Variants in CTNNB1 observed in about 807,000 individuals in gnomAD.
The protein encoded by CTNNB1 is catenin beta 1, also known as catenin beta-1.
Under a neutral mutation model 82.5 loss-of-function variants are expected in CTNNB1, and 6 were observed. That is an observed-to-expected ratio of 0.07 (90% CI 0.04 to 0.14). CTNNB1 has a LOEUF of 0.14. Among genes scored for constraint, CTNNB1 ranks in the 10% least tolerant of loss-of-function variants. The pLI is 1.00. For synonymous variants in CTNNB1, 312 were observed against 329.7 expected (o/e 0.95, Z 0.58); for missense variants, 529 against 980.4 (o/e 0.54, Z 6.15).
rs769833362 is a variant in CTNNB1, at chr3:41,236,721, TGA to T, written c.2076+14_2076+15del. 4.3e-6 allele frequency: 7 copies of T among 1,614,050 alleles called. No homozygotes were observed. Among genetic ancestry groups the T allele is most frequent in the Non-Finnish European group, 5.9e-6 (7 of 1,179,938 alleles). On this transcript the variant is annotated intron_variant, in intron 13 of 14. Transcript: ENST00000349496. ...TGGCTTGGAATGAGGTAGGGAAATG[TGA>T]GCAGTTATTTATCTGGTAGTTTCCT...
chr3:41,227,157 CAT>C (rs1222553249), intron 6 of CTNNB1, 49 bp from the exon 7 acceptor site: 1 of 1,469,692 alleles, frequency 6.8e-7, no homozygotes, highest in African/African-American at 1.4e-5. Context: ...TCTTCTCAGA[CAT>C]GTGATCAAGA....
intron 10 of CTNNB1, chr3:41,235,517 T>G: frequency 1.6e-6 from 1 of 638,034 alleles, no homozygotes; most frequent in Non-Finnish European, 2.8e-6. Context: ...GCACTGTGTA[T>G]GGGGGAGGGG....
chr3:41,211,111 C>T (rs1025813850), intron 1 of CTNNB1: 2 of 456,138 alleles, frequency 4.4e-6, no homozygotes, highest in Non-Finnish European at 8.8e-6. Flanking sequence ...TTTTATACAA[C>T]TGAAGCACAG....
chr3:41,227,150 T>A, intron 6 of CTNNB1, 58 bp from the exon 7 acceptor site: 1 of 1,435,444 alleles, frequency 7.0e-7, no homozygotes, highest in Non-Finnish European at 9.8e-7. Context: ...ATATGGCTCT[T>A]CTCAGACATG....
At chr3:41,208,684 G>C (rs145331050) in intron 1 of CTNNB1, among the ~76,000 whole-genome samples, 218 of 152,214 alleles carry the variant, frequency 1.4e-3, no homozygotes, top group African/African-American at 4.9e-3. Context: ...GTGATCTCTT[G>C]TATCTATGAC....
At chr3:41,209,293 T>G (rs1274213925) in intron 1 of CTNNB1, among the ~76,000 whole-genome samples, 9 of 152,208 alleles carry the variant, frequency 5.9e-5, no homozygotes, top group Non-Finnish European at 1.3e-4. Context: ...ATTTCCAAAT[T>G]GGTATCCTTA....
rs781203247 is a variant in CTNNB1, at chr3:41,225,896, G to A, written c.936+35G>A. 1.3e-6 allele frequency: 2 copies of A among 1,564,694 alleles called. No individual in the cohort carries two copies. Among genetic ancestry groups the A allele is most frequent in the South Asian group, 2.2e-5 (2 of 89,374 alleles). On this transcript the variant is annotated intron_variant, in intron 6 of 14. Transcript: ENST00000349496. The surrounding 1 kb of genome is among the most constrained non-coding windows in gnomAD (Gnocchi z 5.3). ...TTATTCTTTATGTGGTTTTCATGGA[G>A]CATTGGACACCTCCAGTGTCATGTC... is the stretch of plus-strand genomic sequence containing the variant.
At chr3:41,211,116 G>A (rs1003000963) in intron 1 of CTNNB1, 1 of 456,152 alleles carries the variant, frequency 2.2e-6, no homozygotes, top group Non-Finnish European at 4.4e-6. Context: ...TACAACTGAA[G>A]CACAGTAAAC....
chr3:41,225,190 C>T lies in CTNNB1; in HGVS notation c.478C>T (p.Leu160=), dbSNP rs2125621216. Residue 160 remains leucine (L), a synonymous_variant, in exon 4 of 15, where the codon CTA becomes TTA. Coordinates refer to ENST00000349496, the MANE Select transcript of CTNNB1 (RefSeq NM_001904.4). This position sits in a 1 kb window ranked among gnomAD's most constrained non-coding sequence, Gnocchi z 5.3. ...TRAIPELTKL[L]NDEDQVVVNK... ...TGCAATCCCTGAACTGACAAAACTG[C>T]TAAATGACGAGGACCAGGTAAGCAA... The T allele has an allele frequency of 6.2e-7, 1 of 1,614,052 alleles. No homozygotes were observed.
At chr3:41,201,791 T>C (rs189324908) in intron 1 of CTNNB1, among the ~76,000 whole-genome samples, 5 of 152,222 alleles carry the variant, frequency 3.3e-5, no homozygotes, top group Admixed American at 6.5e-5. Context: ...TAAACTGTTA[T>C]CTGATTATTT....
chr3:41,236,796 C>CGAAT, intron 13 of CTNNB1, 87 bp downstream of exon 13: 3 of 1,525,188 alleles, frequency 2.0e-6, no homozygotes, highest in Non-Finnish European at 1.8e-6. Flanking sequence ...ACTTAGTACA[C>CGAAT]ATTCATTTGC....
At chr3:41,235,460 T>C in intron 10 of CTNNB1, 1 of 522,556 alleles carries the variant, frequency 1.9e-6, no homozygotes, top group Non-Finnish European at 3.4e-6. Context: ...GTGCCCTTAC[T>C]GTAGGAAAGT....
intron 1 of CTNNB1, among the ~76,000 whole-genome samples, chr3:41,205,798 A>T (rs901330451): frequency 6.6e-6 from 1 of 152,226 alleles, no homozygotes; most frequent in African/African-American, 2.4e-5. Flanking sequence ...GTAGTCTGCA[A>T]TTATTTTTAT....
intron 12 of CTNNB1, 41 bp downstream of exon 12, chr3:41,236,540 T>C: frequency 6.2e-7 from 1 of 1,614,210 alleles, no homozygotes; most frequent in Non-Finnish European, 8.5e-7. Context: ...GATGTGTACA[T>C]TGAAGTCTCA....
chr3:41,234,082 T>G (rs2078374823), intron 9 of CTNNB1, 57 bp from the exon 10 acceptor site: 1 of 1,608,692 alleles, frequency 6.2e-7, no homozygotes, highest in Non-Finnish European at 8.5e-7. Context: ...GTGGGAATTT[T>G]AGGGTAAGAA....
intron 1 of CTNNB1, among the ~76,000 whole-genome samples, chr3:41,216,326 A>G (rs1251886979): frequency 6.6e-6 from 1 of 152,234 alleles, no homozygotes; most frequent in Non-Finnish European, 1.5e-5. Flanking sequence ...TATGCTGTAA[A>G]AGATATAAAG....
rs2125638620 is a variant in CTNNB1 at position 41,233,534 on chromosome 3, G to A, written c.1191G>A (p.Gly397=). Reference sequence around the variant, plus strand: ...ATCTGTTTTTATCTCCATAGGAAGGGATGGAAGGTCTCCTTGGGACTCTTG... The same window carrying A: ...ATCTGTTTTTATCTCCATAGGAAGGAATGGAAGGTCTCCTTGGGACTCTTG... ...NLSDAATKQE[G]MEGLLGTLVQ... Residue 397 remains glycine, a synonymous_variant, in exon 9 of 15, where the codon GGG becomes GGA. Coordinates refer to ENST00000349496, the MANE Select transcript of CTNNB1 (RefSeq NM_001904.4). 1 of 1,614,110 alleles carries A rather than the reference G, an allele frequency of 6.2e-7. No individual in the cohort carries two copies. The highest frequency in any genetic ancestry group is 1.1e-5 in the South Asian group (1 of 91,070).
In CTNNB1 at chr3:41,235,780, A is replaced by G. The variant is rs2125644802; in HGVS notation, c.1740A>G (p.Leu580=). ...GTTGTACCGGAGCCCTTCACATCCT[A>G]GCTCGGGATGTTCACAACCGAATTG... ...VEGCTGALHI[L]ARDVHNRIVI... The change falls in exon 11 of 15, where the codon CTA becomes CTG. Residue 580 remains leucine (L), a synonymous_variant. Transcript: ENST00000349496. 1.2e-6 allele frequency: 2 copies of G among 1,613,844 alleles called. No individual in the cohort carries two copies. The highest frequency in any genetic ancestry group is 2.2e-5 in the South Asian group (2 of 91,068).
intron 1 of CTNNB1, among the ~76,000 whole-genome samples, chr3:41,216,675 G>A (rs984780713): frequency 6.6e-6 from 1 of 151,868 alleles, no homozygotes; most frequent in Non-Finnish European, 1.5e-5. Context: ...TTTCCTTAAC[G>A]TTATATTTCA....
Sources: gnomAD v4.1 joint callset for allele counts (sites outside exome capture counted in the v4.1 genomes callset) on GRCh38, gnomAD v4.1.1 for gene constraint, Gnocchi (gnomAD v3.1) non-coding constraint, MANE v1.5 for transcripts, NCBI Gene and HGNC (gene_info 2026-07-23, HGNC 2026-07-21) for gene names.